The following CSMD1 variants were observed in gnomAD, a reference collection of about 807,000 sequenced individuals.
CSMD1 encodes CUB and Sushi multiple domains 1, also known as CUB and sushi domain-containing protein 1.
Under a neutral mutation model 417.5 loss-of-function variants are expected in CSMD1, and 213 were observed. The ratio of observed to expected loss-of-function variants is 0.51; its 90% CI spans 0.46 to 0.57. CSMD1 has a LOEUF of 0.57. CSMD1 is among the 20% of genes least tolerant of loss of function. CSMD1 has a pLI of 0.00. For synonymous variants in CSMD1, 2,862 were observed against 1,736.8 expected (o/e 1.65, Z -16.11); for missense variants, 6,923 against 4,529.7 (o/e 1.53, Z -15.17).
At chr8:3,582,399 G>T (rs1380249843) in intron 9 of CSMD1, among the ~76,000 whole-genome samples, 1 of 152,180 alleles carries the variant, frequency 6.6e-6, no homozygotes, top group Non-Finnish European at 1.5e-5. Flanking sequence ...GTTCCTAAAA[G>T]TTGCCAACCT....
chr8:4,661,966 T>A (rs1295415483), intron 1 of CSMD1, among the ~76,000 whole-genome samples: 1 of 152,182 alleles, frequency 6.6e-6, no homozygotes, highest in East Asian at 1.9e-4. Flanking sequence ...ACAGAGTTAT[T>A]ACAACATATT....
intron 1 of CSMD1, among the ~76,000 whole-genome samples, chr8:4,969,359 T>C (rs941280833): frequency 3.3e-5 from 5 of 151,936 alleles, no homozygotes; most frequent in African/African-American, 1.2e-4. Context: ...GAGGAAAGCA[T>C]TGTACCCCAG....
intron 10 of CSMD1, among the ~76,000 whole-genome samples, chr8:3,497,388 T>G (rs1407609572): frequency 6.7e-6 from 1 of 150,310 alleles, no homozygotes; most frequent in Admixed American, 6.6e-5. Flanking sequence ...CATTTTACAT[T>G]TGTTTCACTT....
chr8:4,583,878 A>C (rs1799570968), intron 2 of CSMD1, among the ~76,000 whole-genome samples: 1 of 152,192 alleles, frequency 6.6e-6, no homozygotes, highest in African/African-American at 2.4e-5. Context: ...CACTCTTTGC[A>C]ATAAATCTTG....
intron 26 of CSMD1, among the ~76,000 whole-genome samples, chr8:3,283,575 G>T (rs1369893010): frequency 6.6e-6 from 1 of 152,124 alleles, no homozygotes; most frequent in Non-Finnish European, 1.5e-5. Context: ...TGAGGAAACT[G>T]CAGAAGCAGG....
intron 10 of CSMD1, among the ~76,000 whole-genome samples, chr8:3,556,071 A>G (rs1330975960): frequency 6.6e-6 from 1 of 152,126 alleles, no homozygotes; most frequent in African/African-American, 2.4e-5. Context: ...GTTCTTAAGT[A>G]TGTATTATTC....
chr8:4,573,581 A>T (rs1374817953), intron 2 of CSMD1, among the ~76,000 whole-genome samples: 1 of 152,082 alleles, frequency 6.6e-6, no homozygotes, highest in Non-Finnish European at 1.5e-5. Flanking sequence ...GGTGTCTCCC[A>T]GTCAGGAGGT....
At chr8:2,993,861 G>T (rs1162913416) in intron 54 of CSMD1, among the ~76,000 whole-genome samples, 1 of 151,702 alleles carries the variant, frequency 6.6e-6, no homozygotes, top group Non-Finnish European at 1.5e-5. Context: ...TATCGTCAAC[G>T]GTTGTTCTGA....
intron 26 of CSMD1, among the ~76,000 whole-genome samples, chr8:3,231,695 G>T (rs763305782): frequency 6.6e-6 from 1 of 152,124 alleles, no homozygotes; most frequent in Non-Finnish European, 1.5e-5. Context: ...CAGATTAAAA[G>T]ACCAAAGCTC....
chr8:3,229,551 C>T (rs1445024420), intron 27 of CSMD1, among the ~76,000 whole-genome samples: 1 of 152,074 alleles, frequency 6.6e-6, no homozygotes, highest in Admixed American at 6.6e-5. Flanking sequence ...AGAAACAAAC[C>T]TCCTTTTATC....
chr8:4,908,647 G>C (rs1197107427), intron 1 of CSMD1, among the ~76,000 whole-genome samples: 1 of 151,046 alleles, frequency 6.6e-6, no homozygotes, highest in Non-Finnish European at 1.5e-5. Context: ...GTCTAGCAAT[G>C]AGTCCACCAG....
chr8:3,114,010 G>C lies in CSMD1; in HGVS notation c.6431-3675C>G, dbSNP rs1418550689. Among the ~76,000 whole-genome samples, 3 of 152,182 alleles carry C rather than the reference G, an allele frequency of 2.0e-5. No homozygotes were observed. The East Asian group carries it at 5.8e-4, about 29-fold the overall frequency. On this transcript the variant is annotated intron_variant, in intron 42 of 69. Coordinates refer to ENST00000635120, the MANE Select transcript of CSMD1 (RefSeq NM_033225.6). ...AGGGAGGAGGATCATTTGACCCCAG[G>C]AGTTCGAGACTAGTCTGGGCAATAC... is the stretch of plus-strand genomic sequence containing the variant.
rs7003421 is a variant in CSMD1 at position 3,068,660 on chromosome 8, G to T, written c.7475-16013C>A. On this transcript the variant is annotated intron_variant, in intron 49 of 69. Coordinates refer to ENST00000635120, the MANE Select transcript of CSMD1 (RefSeq NM_033225.6). ...CTTTCAAACATGGCAGAAGGCCAAG[G>T]GGGAGCAGGCTTCTCACACGGCCAG... Among the ~76,000 whole-genome samples, 1,116 of 152,256 alleles carry T rather than the reference G, an allele frequency of 7.3e-3. 15 individuals carry two copies. Among genetic ancestry groups the T allele is most frequent in the African/African-American group, 0.025 (1,045 of 41,556 alleles).
intron 10 of CSMD1, among the ~76,000 whole-genome samples, chr8:3,554,910 C>G (rs1799076904): frequency 6.6e-6 from 1 of 152,084 alleles, no homozygotes; most frequent in African/African-American, 2.4e-5. Flanking sequence ...CAACAGTAAC[C>G]TGGCAAGCAG....
chr8:4,599,067 C>G (rs772633122), intron 2 of CSMD1, among the ~76,000 whole-genome samples: 53 of 152,128 alleles, frequency 3.5e-4, no homozygotes, highest in Non-Finnish European at 7.6e-4. Flanking sequence ...GTAACATGAA[C>G]TAACTCTACA....
intron 10 of CSMD1, 84 bp from the exon 11 acceptor site, chr8:3,493,810 C>G: frequency 8.3e-7 from 1 of 1,207,584 alleles, no homozygotes; most frequent in Non-Finnish European, 1.2e-6. Flanking sequence ...TCTAGTTATA[C>G]TGTTAAATTT....
chr8:3,698,932 G>C (rs942984863), intron 7 of CSMD1, among the ~76,000 whole-genome samples: 1 of 152,142 alleles, frequency 6.6e-6, no homozygotes, highest in African/African-American at 2.4e-5. Flanking sequence ...CCATTCTGTG[G>C]TATCCTGTGT....
At chr8:3,760,031 G>A (rs544076835) in intron 5 of CSMD1, among the ~76,000 whole-genome samples, 6 of 152,052 alleles carry the variant, frequency 3.9e-5, no homozygotes, top group Admixed American at 1.3e-4. Flanking sequence ...CAGGACACAC[G>A]CCTGGTGAAA....
chr8:4,650,312 T>C (rs1229530689), intron 1 of CSMD1, among the ~76,000 whole-genome samples: 1 of 123,060 alleles, frequency 8.1e-6, no homozygotes, highest in Non-Finnish European at 1.6e-5. Context: ...GCCACTGCAC[T>C]CCAGCCTGGG....
Sources: allele counts gnomAD v4.1 joint callset (sites outside exome capture counted in the v4.1 genomes callset), GRCh38; gene constraint gnomAD v4.1.1; transcripts MANE v1.5; gene names NCBI Gene and HGNC (gene_info 2026-07-23, HGNC 2026-07-21).